The following EPB41L4A variants were observed in gnomAD, a reference collection of about 807,000 sequenced individuals.
EPB41L4A encodes the protein erythrocyte membrane protein band 4.1 like 4A.
In EPB41L4A, 100 loss-of-function variants were observed where a neutral mutation model predicts 108.6. That is an observed-to-expected ratio of 0.92 (90% confidence interval 0.78 to 1.09). EPB41L4A has a LOEUF of 1.09. EPB41L4A is among the 50% of genes least tolerant of loss of function. EPB41L4A has a pLI of 0.00. For missense variants in EPB41L4A, 1,030 were observed against 842.7 expected (o/e 1.22, Z -2.75); for synonymous variants, 319 against 289.0 (o/e 1.10, Z -1.05).
intron 12 of EPB41L4A, among the ~76,000 whole-genome samples, 176 bp downstream of exon 12, chr5:112,234,458 A>C (rs1332997131): frequency 3.3e-5 from 5 of 152,144 alleles, no homozygotes; most frequent in African/African-American, 4.8e-5. Context: ...TCTTAAAATT[A>C]CTGTCTGCTT....
chr5:112,200,219 T>G (rs17321396), intron 15 of EPB41L4A, among the ~76,000 whole-genome samples: 1 of 152,196 alleles, frequency 6.6e-6, no homozygotes, highest in Non-Finnish European at 1.5e-5. Flanking sequence ...TCTGGTATGA[T>G]TGCTCCTTTC....
intron 12 of EPB41L4A, among the ~76,000 whole-genome samples, chr5:112,147,559 A>T (rs1163871342): frequency 2.0e-5 from 3 of 151,254 alleles, no homozygotes; most frequent in Non-Finnish European, 4.4e-5. Context: ...AGAATCACGA[A>T]CCCGGGAGGC....
chr5:112,340,459 C>T (rs1282069344), intron 1 of EPB41L4A, among the ~76,000 whole-genome samples: 3 of 152,170 alleles, frequency 2.0e-5, no homozygotes, highest in African/African-American at 7.2e-5. Flanking sequence ...AACCATGACC[C>T]CTGCTTTGGC....
intron 17 of EPB41L4A, among the ~76,000 whole-genome samples, chr5:112,191,634 G>A (rs1401643710): frequency 4.6e-5 from 7 of 151,690 alleles, no homozygotes; most frequent in Admixed American, 4.6e-4. Flanking sequence ...ATATTTCCAT[G>A]GAGTGGCCTC....
intron 1 of EPB41L4A, among the ~76,000 whole-genome samples, chr5:112,331,287 T>TG (rs1756550973): frequency 2.6e-5 from 4 of 152,156 alleles, no homozygotes; most frequent in Admixed American, 6.5e-5. Flanking sequence ...TTCCAACACA[T>TG]TACCTTCCAA....
intron 15 of EPB41L4A, among the ~76,000 whole-genome samples, chr5:112,200,333 C>T (rs1328694684): frequency 1.3e-5 from 2 of 152,324 alleles, no homozygotes; most frequent in South Asian, 2.1e-4. Flanking sequence ...CCTAACAGTG[C>T]TCATTACACA....
chr5:112,346,099 C>A (rs1313876257), intron 1 of EPB41L4A, among the ~76,000 whole-genome samples: 1 of 151,822 alleles, frequency 6.6e-6, no homozygotes, highest in East Asian at 1.9e-4. Context: ...TTTGCTGTTT[C>A]CAAGACTGCC....
chr5:112,396,944 T>C (rs571158695), intron 1 of EPB41L4A, among the ~76,000 whole-genome samples: 1 of 152,352 alleles, frequency 6.6e-6, no homozygotes, highest in South Asian at 2.1e-4. Flanking sequence ...AAAATATTAT[T>C]TTATTTTAAA....
At chr5:112,305,928 T>C (rs1360757081) in intron 2 of EPB41L4A, among the ~76,000 whole-genome samples, 2 of 152,178 alleles carry the variant, frequency 1.3e-5, no homozygotes. Flanking sequence ...AAAAATGTTC[T>C]TAATTTAAAC....
rs952774196 is a variant in EPB41L4A at position 112,163,219 on chromosome 5, G to A, written c.*1771C>T. The stretch of plus-strand genomic sequence containing the variant: ...AGTTGGATGACAGAGCCAACTAGAC[G>A]TGGTAATAGTGGAGGTGTCCATAAC... On this transcript the variant is annotated 3_prime_UTR_variant, in exon 23 of 23. Transcript: ENST00000261486. 1 of 152,216 alleles carries A rather than the reference G, an allele frequency of 6.6e-6. No individual in the cohort carries two copies. Among genetic ancestry groups the A allele is most frequent in the African/African-American group, 2.4e-5 (1 of 41,452 alleles). 9.4% of individuals were successfully genotyped at this position (152,216 alleles called of 1,614,324 possible). A position where few individuals can be genotyped will look rare whatever the true frequency, so the allele number is the denominator to read the frequency against.
intron 12 of EPB41L4A, among the ~76,000 whole-genome samples, chr5:112,232,828 G>T (rs139638643): frequency 2.0e-5 from 3 of 152,240 alleles, no homozygotes; most frequent in Non-Finnish European, 2.9e-5. Flanking sequence ...AAAATGGTAT[G>T]TACTCTTTCC....
chr5:112,255,030 G>T (rs559009802), intron 9 of EPB41L4A, among the ~76,000 whole-genome samples: 24 of 152,154 alleles, frequency 1.6e-4, no homozygotes, highest in Admixed American at 1.2e-3. Context: ...AAAGTGGGAA[G>T]GATCCTTCCT....
At chr5:112,339,068 A>G (rs1561584502) in intron 1 of EPB41L4A, among the ~76,000 whole-genome samples, 1 of 152,116 alleles carries the variant, frequency 6.6e-6, no homozygotes, top group Non-Finnish European at 1.5e-5. Context: ...ATATGAATGC[A>G]AGAGATACTG....
chr5:112,244,201 G>C (rs1167262550), intron 9 of EPB41L4A, among the ~76,000 whole-genome samples: 2 of 152,192 alleles, frequency 1.3e-5, no homozygotes, highest in Admixed American at 6.5e-5. Context: ...GAGGCCTAAG[G>C]ACAGGGAGAG....
intron 12 of EPB41L4A, among the ~76,000 whole-genome samples, chr5:112,223,267 A>T (rs1748201006): frequency 1.3e-5 from 2 of 151,748 alleles, no homozygotes; most frequent in African/African-American, 2.4e-5. Flanking sequence ...TCTTTACCTC[A>T]CCTATCTCTC....
chr5:112,326,432 G>A (rs540028783), intron 1 of EPB41L4A, among the ~76,000 whole-genome samples: 3 of 152,146 alleles, frequency 2.0e-5, no homozygotes, highest in Non-Finnish European at 4.4e-5. Context: ...CCCCCTTAAG[G>A]AATTATGGGC....
intron 2 of EPB41L4A, among the ~76,000 whole-genome samples, chr5:112,295,521 A>C (rs1189419520): frequency 1.3e-5 from 2 of 152,142 alleles, no homozygotes; most frequent in African/African-American, 2.4e-5. Context: ...CTCCTTTCAA[A>C]ATTCTCCATT....
intron 1 of EPB41L4A, among the ~76,000 whole-genome samples, chr5:112,377,189 A>G (rs1379403721): frequency 6.6e-6 from 1 of 151,078 alleles, no homozygotes; most frequent in Non-Finnish European, 1.5e-5. Context: ...TGGGTGACAG[A>G]GCAAGATACT....
rs554870913 is a variant in EPB41L4A, at chr5:112,293,844, C to A, written c.205-13521G>T. ...TGACTGTGCTCAGAAGAGGGCACAC[C>A]CACTCTAAACAGAAAATGTTCCAGA... On this transcript the variant is annotated intron_variant, in intron 2 of 22. Transcript: ENST00000261486. Among the ~76,000 whole-genome samples, 3 of 152,248 alleles carry A rather than the reference C, an allele frequency of 2.0e-5. 1 individual carries two copies. In the South Asian group the frequency reaches 6.2e-4, roughly 32 times the overall value.
Sources: allele counts gnomAD v4.1 joint callset (sites outside exome capture counted in the v4.1 genomes callset), GRCh38; gene constraint gnomAD v4.1.1; transcripts MANE v1.5; gene names NCBI Gene and HGNC (gene_info 2026-07-23, HGNC 2026-07-21).